The following MTA1 variants were observed in gnomAD, a reference collection of about 807,000 sequenced individuals.
The protein encoded by MTA1 is metastasis-associated protein MTA1.
Under a neutral mutation model 97.0 loss-of-function variants are expected in MTA1, and 15 were observed. The observed-to-expected ratio is 0.15, with a 90% CI of 0.10 to 0.24. The LOEUF (loss-of-function observed/expected upper bound fraction) is 0.24, where lower values mean the gene tolerates loss of function less well. Ranked by LOEUF, MTA1 falls within the 10% of genes least tolerant of loss-of-function variation. MTA1 has a pLI of 1.00. For missense variants in MTA1, 709 were observed against 1,015.1 expected (o/e 0.70, Z 4.10); for synonymous variants, 435 against 417.5 (o/e 1.04, Z -0.51).
intron 18 of MTA1, chr14:105,467,663 C>CA (rs1555433251): frequency 5.5e-6 from 2 of 363,540 alleles, no homozygotes; most frequent in Non-Finnish European, 1.1e-5. Flanking sequence ...GCCCCAGCCC[C>CA]AGCCCTCCTT....
Position 105,458,214 on chromosome 14 carries a change from G to A in MTA1, c.551-56G>A, listed in dbSNP as rs377136865. 3.8e-4 allele frequency: 570 copies of A among 1,503,314 alleles called. 12 individuals carry two copies. The highest frequency in any genetic ancestry group is 3.3e-3 in the East Asian group (143 of 43,838). 93.1% of individuals were successfully genotyped at this position (1,503,314 alleles called of 1,614,324 possible). On this transcript the variant is annotated intron_variant, in intron 7 of 20. Coordinates refer to ENST00000331320, the MANE Select transcript of MTA1 (RefSeq NM_004689.4). Reference sequence around the variant, plus strand: ...CTCCCCGCACCCGGGGAGGAGAGGCGCGGCCCGGCGCGCCGTGGGACCCCG... The same window carrying A: ...CTCCCCGCACCCGGGGAGGAGAGGCACGGCCCGGCGCGCCGTGGGACCCCG...
intron 10 of MTA1, among the ~76,000 whole-genome samples, chr14:105,461,323 A>C (rs1256998880): frequency 1.3e-5 from 2 of 152,168 alleles, no homozygotes; most frequent in Non-Finnish European, 2.9e-5. Flanking sequence ...TTTTTGACTA[A>C]GCTGAACCTC....
chr14:105,435,287 A>G (rs1429757205), intron 1 of MTA1, among the ~76,000 whole-genome samples: 1 of 151,600 alleles, frequency 6.6e-6, no homozygotes, highest in Non-Finnish European at 1.5e-5. Flanking sequence ...TGTTTTTAAA[A>G]ATTTAAGTTA....
chr14:105,425,752 G>A (rs1321513753), intron 1 of MTA1, among the ~76,000 whole-genome samples: 4 of 151,192 alleles, frequency 2.6e-5, no homozygotes, highest in African/African-American at 9.7e-5. Flanking sequence ...TCTTGGTGGC[G>A]ATGGAGCCAA....
chr14:105,458,169 C>T, intron 7 of MTA1, 101 bp from the exon 8 acceptor site: 1 of 947,194 alleles, frequency 1.1e-6, no homozygotes, highest in Non-Finnish European at 1.6e-6. Flanking sequence ...TGCAGCCCTT[C>T]CCCCTCCCCG....
intron 3 of MTA1, 116 bp downstream of exon 3, chr14:105,445,627 G>A: frequency 9.6e-7 from 1 of 1,039,548 alleles, no homozygotes; most frequent in Non-Finnish European, 1.5e-6. Flanking sequence ...GCCACCCTCT[G>A]CCCAACTCAC....
chr14:105,464,004 C>G, intron 12 of MTA1, 28 bp from the exon 13 acceptor site: 1 of 1,609,736 alleles, frequency 6.2e-7, no homozygotes. Flanking sequence ...TCCTGCAACT[C>G]CTCTCGTCTC....
chr14:105,432,506 T>C (rs1030322764), intron 1 of MTA1, among the ~76,000 whole-genome samples: 28 of 152,314 alleles, frequency 1.8e-4, no homozygotes, highest in African/African-American at 6.7e-4. Context: ...CCCAAAGTGC[T>C]GGGATTACAG....
At chr14:105,425,809 C>T (rs1007824210) in intron 1 of MTA1, among the ~76,000 whole-genome samples, 42 of 152,108 alleles carry the variant, frequency 2.8e-4, no homozygotes, top group African/African-American at 1.0e-3. Context: ...CCACCCAGCA[C>T]CTCGCCCCTA....
rs1555434120 is a variant in MTA1, at chr14:105,470,113, C to G, written c.2046C>G (p.Arg682=). 6.2e-7 allele frequency: 1 copy of G among 1,612,480 alleles called. No individual in the cohort carries two copies. The highest frequency in any genetic ancestry group is 8.5e-7 in the Non-Finnish European group (1 of 1,179,878). The part of the protein sequence containing the change: ...LSSSETKRAA[R]RPYKPIALRQ... ...CCTCGGAAACCAAGCGTGCTGCCCGCCGGCCCTACAAGCCCATCGCCCTGC... is the reference window on the plus strand; with the variant it reads ...CCTCGGAAACCAAGCGTGCTGCCCGGCGGCCCTACAAGCCCATCGCCCTGC... The change falls in exon 21 of 21, where the codon CGC becomes CGG. Residue 682 remains arginine (R), a synonymous_variant. Coordinates refer to ENST00000331320, the MANE Select transcript of MTA1 (RefSeq NM_004689.4).
chr14:105,447,671 G>A (rs377284280), intron 3 of MTA1, among the ~76,000 whole-genome samples: 1 of 152,164 alleles, frequency 6.6e-6, no homozygotes, highest in Non-Finnish European at 1.5e-5. Flanking sequence ...GCTGCGTGGC[G>A]GCCCCTCTGC....
chr14:105,449,180 G>A (rs972093694), intron 3 of MTA1, 179 bp from the exon 4 acceptor site: 64 of 568,102 alleles, frequency 1.1e-4, no homozygotes, highest in African/African-American at 1.0e-3. Context: ...GCCAGAGTGG[G>A]GGGACGTCGA....
chr14:105,457,453 C>T (rs1192344257), intron 7 of MTA1, among the ~76,000 whole-genome samples: 3 of 152,366 alleles, frequency 2.0e-5, no homozygotes, highest in Non-Finnish European at 2.9e-5. Context: ...GGCACGCCCA[C>T]TCCCTGGCCC....
In MTA1 at chr14:105,420,212, C is replaced by A; in HGVS notation, c.28+149C>A. The A allele has an allele frequency of 3.1e-6, 1 of 321,962 alleles. No homozygotes were observed. The highest frequency in any genetic ancestry group is 4.5e-6 in the Non-Finnish European group (1 of 221,264). 19.9% of individuals were successfully genotyped at this position (321,962 alleles called of 1,614,324 possible). A position where few individuals can be genotyped will look rare whatever the true frequency, so the allele number is the denominator to read the frequency against. On this transcript the variant is annotated intron_variant, in intron 1 of 20. Coordinates refer to ENST00000331320, the MANE Select transcript of MTA1 (RefSeq NM_004689.4). The surrounding 1 kb of genome is among the most constrained non-coding windows in gnomAD (Gnocchi z 5.3). ...CGGCTCCTTCCCGAACCGCCCCCCG[C>A]CGTGCTCACCCCAACCCAAAATGGC...
At position 105,463,084 on chromosome 14, in the gene MTA1, GC is replaced by G; in HGVS notation, c.943-95del. The G allele has an allele frequency of 1.7e-6, 2 of 1,200,292 alleles. No homozygotes were observed. Among genetic ancestry groups the G allele is most frequent in the Middle Eastern group, 2.0e-4 (1 of 5,046 alleles). 74.4% of individuals were successfully genotyped at this position (1,200,292 alleles called of 1,614,324 possible). Reference sequence around the variant, plus strand: ...AGCACACCTCGCCCTCTGGCCTCCCGCCCCCTCTGTGGCCTTCTGGCCGCAG... The same window carrying G: ...AGCACACCTCGCCCTCTGGCCTCCCGCCCCTCTGTGGCCTTCTGGCCGCAG... On this transcript the variant is annotated intron_variant, in intron 10 of 20. Coordinates refer to ENST00000331320, the MANE Select transcript of MTA1 (RefSeq NM_004689.4). The surrounding 1 kb of genome is among the most constrained non-coding windows in gnomAD (Gnocchi z 5.9).
Position 105,452,940 on chromosome 14 carries a change from C to T in MTA1, c.433-1253C>T, listed in dbSNP as rs150233806. Among the ~76,000 whole-genome samples, 649 of 152,308 alleles carry T rather than the reference C, an allele frequency of 4.3e-3. 6 individuals carry two copies. Among genetic ancestry groups the T allele is most frequent in the African/African-American group, 0.015 (618 of 41,574 alleles). On this transcript the variant is annotated intron_variant, in intron 6 of 20. Transcript: ENST00000331320. ...AGGAATCAGGAGGATGACCTGGAAA[C>T]GGGAGGGTGATTGGACGCCAGGCAC...
At position 105,420,091 on chromosome 14, in the gene MTA1, C is replaced by T. The variant is rs2081773511; in HGVS notation, c.28+28C>T. ...AAGGCCGCACCGCCTTTATGCCCGG[C>T]CCCGACCCGCCCGCAGCCCCCACCC... is the stretch of plus-strand genomic sequence containing the variant. On this transcript the variant is annotated intron_variant, in intron 1 of 20. Coordinates refer to ENST00000331320, the MANE Select transcript of MTA1 (RefSeq NM_004689.4). The surrounding 1 kb of genome is among the most constrained non-coding windows in gnomAD (Gnocchi z 5.3). 1.9e-6 allele frequency: 2 copies of T among 1,030,316 alleles called. No individual in the cohort carries two copies. The highest frequency in any genetic ancestry group is 2.3e-6 in the Non-Finnish European group (2 of 854,810). 63.8% of individuals were successfully genotyped at this position (1,030,316 alleles called of 1,614,324 possible).
At chr14:105,442,865 G>GT (rs2082589777) in intron 2 of MTA1, among the ~76,000 whole-genome samples, 1 of 77,602 alleles carries the variant, frequency 1.3e-5, no homozygotes, top group African/African-American at 4.4e-5. Context: ...CAGACCTTGA[G>GT]CGTCATGGAA....
chr14:105,429,749 G>A (rs587656882), intron 1 of MTA1, among the ~76,000 whole-genome samples: 235 of 36,892 alleles, frequency 6.4e-3, no homozygotes, highest in Non-Finnish European at 9.1e-3. Flanking sequence ...CACTGCGCCC[G>A]GCCTTTTTTT....
Sources: gnomAD v4.1 joint callset for allele counts (sites outside exome capture counted in the v4.1 genomes callset) on GRCh38, gnomAD v4.1.1 for gene constraint, Gnocchi (gnomAD v3.1) non-coding constraint, MANE v1.5 for transcripts, NCBI Gene and HGNC (gene_info 2026-07-23, HGNC 2026-07-21) for gene names.